The following ATP2C2 variants were observed in gnomAD, a reference collection of about 807,000 sequenced individuals.
ATP2C2 encodes the protein ATPase secretory pathway Ca2+ transporting 2, also known as calcium-transporting ATPase type 2C member 2.
Under a neutral mutation model 110.8 loss-of-function variants are expected in ATP2C2, and 171 were observed. The ratio of observed to expected loss-of-function variants is 1.54; its 90% confidence interval spans 1.36 to 1.75. The LOEUF (loss-of-function observed/expected upper bound fraction) is 1.75. ATP2C2 is among the 40% of genes most tolerant of loss of function. The pLI is 0.00. For synonymous variants in ATP2C2, 804 were observed against 508.4 expected, an observed-to-expected ratio of 1.58 and a Z score of -7.82; for missense variants, 1,963 against 1,235.0, an observed-to-expected ratio of 1.59 and a Z score of -8.84.
chr16:84,376,876 T>A (rs1352388223), intron 1 of ATP2C2, among the ~76,000 whole-genome samples: 1 of 152,256 alleles, frequency 6.6e-6, no homozygotes. Context: ...ACTGGCCTCA[T>A]GCCAGTGAGG....
intron 2 of ATP2C2, among the ~76,000 whole-genome samples, chr16:84,399,259 G>A (rs1350143055): frequency 1.3e-5 from 2 of 152,362 alleles, no homozygotes; most frequent in East Asian, 3.9e-4. Context: ...GGAAGCTAGT[G>A]TCTTTTCTTG....
chr16:84,442,104 G>C (rs977050961), intron 14 of ATP2C2, among the ~76,000 whole-genome samples: 1 of 151,866 alleles, frequency 6.6e-6, no homozygotes, highest in Non-Finnish European at 1.5e-5. Flanking sequence ...TGTATAAATT[G>C]AGGTAGAAGT....
At chr16:84,377,859 C>T (rs1396746157) in intron 1 of ATP2C2, among the ~76,000 whole-genome samples, 1 of 152,072 alleles carries the variant, frequency 6.6e-6, no homozygotes, top group Non-Finnish European at 1.5e-5. Context: ...AGGCTGCAGC[C>T]CCTCTGGAAA....
chr16:84,404,221 G>T (rs1905550958), intron 2 of ATP2C2, among the ~76,000 whole-genome samples: 1 of 152,188 alleles, frequency 6.6e-6, no homozygotes, highest in Non-Finnish European at 1.5e-5. Flanking sequence ...CCAGATTATA[G>T]GGTGGGACCC....
rs375177699 is a variant in ATP2C2 at position 84,423,276 on chromosome 16, G to C, written c.919+13G>C. On this transcript the variant is annotated intron_variant, in intron 10 of 26. Coordinates refer to ENST00000262429, the MANE Select transcript of ATP2C2 (RefSeq NM_014861.4). The stretch of plus-strand genomic sequence containing the variant: ...TTTGGCATAATCGGTGAGTGAAGCA[G>C]TTTCCATACTGGGTTTGTTCTGCAG... 4.0e-5 allele frequency: 65 copies of C among 1,611,430 alleles called. 1 individual carries two copies. The South Asian group carries it at 4.9e-4, about 12-fold the overall frequency.
At chr16:84,385,370 T>C (rs1380892031) in intron 1 of ATP2C2, among the ~76,000 whole-genome samples, 5 of 152,158 alleles carry the variant, frequency 3.3e-5, no homozygotes, top group African/African-American at 1.2e-4. Flanking sequence ...CATGATGCAG[T>C]CACCTCCCAC....
At position 84,459,108 on chromosome 16, in the gene ATP2C2, C is replaced by G; in HGVS notation, c.2148-12C>G. 1 of 1,614,092 alleles carries G rather than the reference C, an allele frequency of 6.2e-7. No homozygotes were observed. The highest frequency in any genetic ancestry group is 8.5e-7 in the Non-Finnish European group (1 of 1,180,018). On this transcript the variant is annotated splice_polypyrimidine_tract_variant and intron_variant, in intron 21 of 26. Coordinates refer to ENST00000262429, the MANE Select transcript of ATP2C2 (RefSeq NM_014861.4). ...GCCCGCTCCGTGAGTAAATGGCTCTCTTCTCTTGCAGGAATGCAGTGGAGG... is the reference window on the plus strand; with the variant it reads ...GCCCGCTCCGTGAGTAAATGGCTCTGTTCTCTTGCAGGAATGCAGTGGAGG...
intron 17 of ATP2C2, among the ~76,000 whole-genome samples, chr16:84,450,962 C>G (rs900134555): frequency 1.3e-5 from 2 of 152,226 alleles, no homozygotes; most frequent in African/African-American, 4.8e-5. Context: ...TCACAGGTTT[C>G]TGCAGCCACT....
At chr16:84,461,481 C>G in intron 24 of ATP2C2, 1 of 597,984 alleles carries the variant, frequency 1.7e-6, no homozygotes, top group Non-Finnish European at 3.0e-6. Flanking sequence ...TTTCCTCCAC[C>G]CATAGGTGCC....
intron 6 of ATP2C2, among the ~76,000 whole-genome samples, chr16:84,412,290 A>G (rs1411858346): frequency 2.0e-4 from 14 of 68,712 alleles, no homozygotes; most frequent in East Asian, 1.7e-3. Flanking sequence ...GTGTGCACGT[A>G]TGTGTGTGTG....
chr16:84,449,368 G>A (rs1204472823), intron 17 of ATP2C2, among the ~76,000 whole-genome samples: 1 of 152,210 alleles, frequency 6.6e-6, no homozygotes, highest in Non-Finnish European at 1.5e-5. Flanking sequence ...CCGAGCACGT[G>A]TCCCCTCTTC....
chr16:84,439,373 C>T (rs1909034253), intron 12 of ATP2C2, 54 bp from the exon 13 acceptor site: 2 of 1,609,464 alleles, frequency 1.2e-6, no homozygotes, highest in Admixed American at 1.7e-5. Context: ...CTGGGGGTTT[C>T]ACAAGCCTGA....
At chr16:84,389,019 A>G (rs8047429) in intron 1 of ATP2C2, among the ~76,000 whole-genome samples, 38,821 of 151,916 alleles carry the variant, frequency 0.26, 5,008 homozygotes, top group East Asian at 0.28. Flanking sequence ...ATCCACCCAA[A>G]GTGCTGGGAT....
chr16:84,429,053 G>T (rs67991671), intron 11 of ATP2C2, among the ~76,000 whole-genome samples: 56,638 of 152,004 alleles, frequency 0.37, 10,702 homozygotes, highest in South Asian at 0.4. Flanking sequence ...ACCCAAGGGG[G>T]TCTATTGAAT....
intron 2 of ATP2C2, chr16:84,404,809 C>CTT (rs35653774): frequency 3.2e-3 from 876 of 274,116 alleles, no homozygotes; most frequent in South Asian, 6.7e-3. Flanking sequence ...TTCCCAAGAC[C>CTT]TTTTTTTTTT....
At chr16:84,387,198 T>A (rs9936573) in intron 1 of ATP2C2, among the ~76,000 whole-genome samples, 54,347 of 152,050 alleles carry the variant, frequency 0.36, 9,892 homozygotes, top group East Asian at 0.49. Flanking sequence ...AGGGCTTGCA[T>A]GTGAATGGTC....
At chr16:84,386,094 C>G (rs1315044851) in intron 1 of ATP2C2, among the ~76,000 whole-genome samples, 3 of 152,250 alleles carry the variant, frequency 2.0e-5, no homozygotes, top group African/African-American at 7.2e-5. Flanking sequence ...TGAGAAACTT[C>G]AGCTTCATTT....
rs1430349974 is a variant in ATP2C2 at position 84,439,152 on chromosome 16, A to C, written c.987-14A>C. 1.2e-6 allele frequency: 2 copies of C among 1,611,890 alleles called. No individual in the cohort carries two copies. Among genetic ancestry groups the C allele is most frequent in the African/African-American group, 2.7e-5 (2 of 74,816 alleles). ...AAATGTGTTAGAGGGGACTCATTTG[A>C]CCTTTCGATCCAGCCTGGCTGTGGC... On this transcript the variant is annotated splice_polypyrimidine_tract_variant and intron_variant, in intron 11 of 26. Transcript: ENST00000262429.
At position 84,451,938 on chromosome 16, in the gene ATP2C2, G is replaced by C. The variant is rs1317917846; in HGVS notation, c.1678G>C (p.Gly560Arg). 2 of 1,613,884 alleles carry C rather than the reference G, an allele frequency of 1.2e-6. No homozygotes were observed. Among genetic ancestry groups the C allele is most frequent in the East Asian group, 2.2e-5 (1 of 44,896 alleles). ...CTCCTCAGTGCTGGCCCTGGCTTCT[G>C]GGCCCGAGCTGGGGCGGCTGACGTT... ...LGLRVLALAS[G>R]PELGRLTFLG... The change falls in exon 18 of 27, where the codon GGG (glycine) becomes CGG (arginine). Residue 560 changes from glycine to arginine, a missense_variant. By Grantham distance (125) the Gly-to-Arg change is moderately radical (BLOSUM62 -2). Coordinates refer to ENST00000262429, the MANE Select transcript of ATP2C2 (RefSeq NM_014861.4).
Sources: allele counts gnomAD v4.1 joint callset (sites outside exome capture counted in the v4.1 genomes callset), GRCh38; gene constraint gnomAD v4.1.1; transcripts MANE v1.5; gene names NCBI Gene and HGNC (gene_info 2026-07-23, HGNC 2026-07-21).